CYTH3: variants seen among roughly 807,000 people sequenced by gnomAD.
CYTH3 encodes cytohesin 3.
A neutral mutation model predicts 55.1 loss-of-function variants in CYTH3; 23 were observed. The ratio of observed to expected loss-of-function variants is 0.42; its 90% CI spans 0.30 to 0.59. The LOEUF is 0.59. CYTH3 is among the 20% of genes least tolerant of loss of function. The pLI is 0.20. For synonymous variants in CYTH3, 249 were observed against 194.9 expected, an observed-to-expected ratio of 1.28 and a Z score of -2.31; for missense variants, 413 against 524.8, an observed-to-expected ratio of 0.79 and a Z score of 2.08.
intron 1 of CYTH3, among the ~76,000 whole-genome samples, chr7:6,197,083 C>G (rs1002904394): frequency 2.0e-5 from 3 of 152,174 alleles, no homozygotes; most frequent in African/African-American, 7.2e-5. Context: ...AATCTAAACA[C>G]CAGAATGATT....
intron 1 of CYTH3, among the ~76,000 whole-genome samples, chr7:6,245,238 T>G (rs1348567133): frequency 6.6e-6 from 1 of 151,872 alleles, no homozygotes; most frequent in African/African-American, 2.4e-5. Context: ...TGTTATATGG[T>G]TCTAGGTTTT....
rs1783146405 is a variant in CYTH3 at position 6,170,487 on chromosome 7, CCATGGG to C, written c.823+42_823+47del. Reference sequence around the variant, plus strand: ...CTGGGAGGAACCCGAGGGGCTGCTGCCATGGGCAGAGGGGTCACGCCCGGGTCCCGC... The same window carrying C: ...CTGGGAGGAACCCGAGGGGCTGCTGCCAGAGGGGTCACGCCCGGGTCCCGC... On this transcript the variant is annotated intron_variant, in intron 9 of 12. Transcript: ENST00000350796. This position sits in a 1 kb window ranked among gnomAD's most constrained non-coding sequence, Gnocchi z 7.8. 1 of 1,561,318 alleles carries C rather than the reference CCATGGG, an allele frequency of 6.4e-7. No homozygotes were observed. The highest frequency in any genetic ancestry group is 8.8e-7 in the Non-Finnish European group (1 of 1,139,268).
chr7:6,230,914 C>G (rs543085899), intron 1 of CYTH3, among the ~76,000 whole-genome samples: 1 of 152,326 alleles, frequency 6.6e-6, no homozygotes, highest in African/African-American at 2.4e-5. Context: ...TACACAATCT[C>G]AGGAAAAAAG....
At chr7:6,227,115 T>C (rs1161746053) in intron 1 of CYTH3, among the ~76,000 whole-genome samples, 1 of 149,356 alleles carries the variant, frequency 6.7e-6, no homozygotes, top group Non-Finnish European at 1.5e-5. Flanking sequence ...GGCTGGCACA[T>C]GGTGTGCCCG....
chr7:6,181,791 G>A (rs768280214), intron 4 of CYTH3, among the ~76,000 whole-genome samples: 10 of 152,110 alleles, frequency 6.6e-5, no homozygotes, highest in Non-Finnish European at 1.2e-4. Flanking sequence ...GTAGGTCTCT[G>A]CAAAACTGAA....
At chr7:6,259,741 A>G (rs1780231186) in intron 1 of CYTH3, among the ~76,000 whole-genome samples, 1 of 42,920 alleles carries the variant, frequency 2.3e-5, no homozygotes, top group South Asian at 6.3e-4. Flanking sequence ...ATACATATAT[A>G]TAATATATAT....
At chr7:6,225,090 A>G (rs1024011890) in intron 1 of CYTH3, among the ~76,000 whole-genome samples, 8 of 152,222 alleles carry the variant, frequency 5.3e-5, no homozygotes, top group African/African-American at 1.7e-4. Flanking sequence ...GGGTGAAGAA[A>G]TGTTCTAAAA....
chr7:6,174,652 A>G (rs752044051), intron 5 of CYTH3, among the ~76,000 whole-genome samples: 1 of 147,996 alleles, frequency 6.8e-6, no homozygotes, highest in Non-Finnish European at 1.5e-5. Flanking sequence ...GGTTCAAGCG[A>G]TACTCCTGTC....
chr7:6,190,413 A>ATT, intron 2 of CYTH3, 36 bp downstream of exon 2: 1 of 1,383,130 alleles, frequency 7.2e-7, no homozygotes, highest in Non-Finnish European at 9.4e-7. Context: ...CAAAAAACAG[A>ATT]GTTTTGGATT....
At chr7:6,221,860 G>C (rs1042255692) in intron 1 of CYTH3, among the ~76,000 whole-genome samples, 2 of 152,190 alleles carry the variant, frequency 1.3e-5, no homozygotes, top group African/African-American at 2.4e-5. Context: ...GCTGAAGTGG[G>C]AGGATCATTT....
rs1447481636 is a variant in CYTH3 at position 6,169,014 on chromosome 7, G to A, written c.823+1521C>T. 6.6e-6 allele frequency among the ~76,000 whole-genome samples: 1 copy of A among 152,136 alleles called. No individual in the cohort carries two copies. Among genetic ancestry groups the A allele is most frequent in the Non-Finnish European group, 1.5e-5 (1 of 68,024 alleles). On this transcript the variant is annotated intron_variant, in intron 9 of 12. Transcript: ENST00000350796. This position sits in a 1 kb window ranked among gnomAD's most constrained non-coding sequence, Gnocchi z 4.1. ...ACACTCGCACAATGTGATTTGAATC[G>A]GGTCTCTCAGGCACCCGAGCCAAAG...
chr7:6,182,024 T>C (rs1275218306), intron 4 of CYTH3, among the ~76,000 whole-genome samples: 2 of 152,114 alleles, frequency 1.3e-5, no homozygotes, highest in Non-Finnish European at 2.9e-5. Flanking sequence ...CCTCCTATTG[T>C]TTTTTTGCTT....
intron 1 of CYTH3, among the ~76,000 whole-genome samples, chr7:6,228,062 G>C (rs191816197): frequency 6.6e-6 from 1 of 152,216 alleles, no homozygotes; most frequent in Non-Finnish European, 1.5e-5. Context: ...GAAATGTGAA[G>C]CTTTCCCTTA....
At position 6,172,820 on chromosome 7, in the gene CYTH3, A is replaced by G. The variant is rs774288503; in HGVS notation, c.449+833T>C. The G allele has an allele frequency of 1.7e-5, 22 of 1,282,502 alleles. No homozygotes were observed. In the South Asian group the frequency reaches 2.7e-4, roughly 16 times the overall value. The allele number at this position is 1,282,502 out of a possible 1,614,324, so 79.4% of individuals were successfully genotyped here. A position where few individuals can be genotyped will look rare whatever the true frequency, so the allele number is the denominator to read the frequency against. On this transcript the variant is annotated intron_variant, in intron 6 of 12. Transcript: ENST00000350796. Reference sequence around the variant, plus strand: ...GCTGCAGGATTCTTATATGTTGCGAACTCTCAGCGCACTGTTCAGCCCCAG... The same window carrying G: ...GCTGCAGGATTCTTATATGTTGCGAGCTCTCAGCGCACTGTTCAGCCCCAG...
chr7:6,222,246 G>A (rs980925394), intron 1 of CYTH3, among the ~76,000 whole-genome samples: 13 of 152,292 alleles, frequency 8.5e-5, no homozygotes, highest in Admixed American at 2.6e-4. Flanking sequence ...GGGACATCAC[G>A]GAAGGAAGAT....
At chr7:6,172,065 C>A (rs1783214612) in intron 6 of CYTH3, 1 of 152,922 alleles carries the variant, frequency 6.5e-6, no homozygotes, top group Non-Finnish European at 1.5e-5. Context: ...GCTGCAGCCT[C>A]CCGCACCAGC....
intron 6 of CYTH3, chr7:6,172,697 C>T: frequency 9.2e-7 from 1 of 1,092,848 alleles, no homozygotes; most frequent in Non-Finnish European, 1.1e-6. Flanking sequence ...GTCACAGCTG[C>T]AAGGGCCGCA....
chr7:6,234,216 G>C (rs556118028), intron 1 of CYTH3, among the ~76,000 whole-genome samples: 1 of 152,274 alleles, frequency 6.6e-6, no homozygotes, highest in East Asian at 1.9e-4. Context: ...ATGTGTTAGA[G>C]GCCACTGGAG....
At chr7:6,245,972 C>A (rs1779803870) in intron 1 of CYTH3, among the ~76,000 whole-genome samples, 1 of 152,128 alleles carries the variant, frequency 6.6e-6, no homozygotes, top group Non-Finnish European at 1.5e-5. Flanking sequence ...ATACATTTCA[C>A]AAAATGGATT....
Sources: gnomAD v4.1 joint callset for allele counts (sites outside exome capture counted in the v4.1 genomes callset) on GRCh38, gnomAD v4.1.1 for gene constraint, Gnocchi (gnomAD v3.1) non-coding constraint, MANE v1.5 for transcripts, NCBI Gene and HGNC (gene_info 2026-07-23, HGNC 2026-07-21) for gene names.